Variants in NEK1 observed in about 807,000 individuals in gnomAD.
NEK1 encodes serine/threonine-protein kinase Nek1.
A neutral mutation model predicts 182.1 loss-of-function variants in NEK1; 137 were observed. The ratio of observed to expected loss-of-function variants is 0.75; its 90% CI spans 0.65 to 0.87. The LOEUF is 0.87. NEK1 is among the 40% of genes least tolerant of loss of function. The pLI is 0.00. For missense variants in NEK1, 1,391 were observed against 1,494.4 expected (o/e 0.93, Z 1.14); for synonymous variants, 513 against 492.2 (o/e 1.04, Z -0.56).
chr4:169,558,849 A>G (rs1345135191), intron 16 of NEK1, among the ~76,000 whole-genome samples: 1 of 152,198 alleles, frequency 6.6e-6, no homozygotes, highest in Non-Finnish European at 1.5e-5. Flanking sequence ...GAAGTACGTA[A>G]TAATAGTATT....
chr4:169,431,676 C>T (rs994686802), intron 29 of NEK1, among the ~76,000 whole-genome samples: 10 of 151,818 alleles, frequency 6.6e-5, no homozygotes, highest in African/African-American at 2.4e-4. Flanking sequence ...TGTCAGTAAT[C>T]CCAGCTCTTT....
At chr4:169,573,750 G>A (rs535376578) in intron 12 of NEK1, among the ~76,000 whole-genome samples, 46 of 152,310 alleles carry the variant, frequency 3.0e-4, no homozygotes, top group Non-Finnish European at 6.5e-4. Flanking sequence ...GGAACGGGAT[G>A]ATTATAAATG....
At chr4:169,461,836 C>A (rs188085041) in intron 27 of NEK1, among the ~76,000 whole-genome samples, 1 of 152,194 alleles carries the variant, frequency 6.6e-6, no homozygotes, top group Non-Finnish European at 1.5e-5. Flanking sequence ...CCTCTGAGAG[C>A]AAGAATGATC....
intron 23 of NEK1, among the ~76,000 whole-genome samples, chr4:169,481,963 T>C (rs6836768): frequency 0.053 from 8,131 of 152,308 alleles, 318 homozygotes; most frequent in African/African-American, 0.1. Context: ...AAATCTGTTG[T>C]TTAGTATTAC....
In NEK1 at chr4:169,590,896, T is replaced by C. The variant is rs1768369586; in HGVS notation, c.313-87A>G. On this transcript the variant is annotated intron_variant, in intron 5 of 35. Coordinates refer to ENST00000507142, the MANE Select transcript of NEK1 (RefSeq NM_001199397.3). ...TTAGGGATGAGAGGAACTAAATCCT[T>C]AAAAAGATATTTTAGGCTACAATTT... 3.5e-6 allele frequency: 3 copies of C among 848,528 alleles called. No individual in the cohort carries two copies. In the Admixed American group the frequency reaches 7.7e-5, roughly 22 times the overall value. 52.6% of individuals were successfully genotyped at this position (848,528 alleles called of 1,614,324 possible).
At chr4:169,550,760 GC>G (rs1419667639) in intron 18 of NEK1, among the ~76,000 whole-genome samples, 2 of 152,260 alleles carry the variant, frequency 1.3e-5, no homozygotes, top group Admixed American at 6.5e-5. Context: ...CATAACTAAT[GC>G]CCAAATGAAG....
At chr4:169,603,706 A>ATTT (rs398064265) in intron 2 of NEK1, among the ~76,000 whole-genome samples, 20,664 of 129,508 alleles carry the variant, frequency 0.16, 2,312 homozygotes, top group African/African-American at 0.32. Flanking sequence ...TTTATTGAAC[A>ATTT]TTTTTTTTTT....
chr4:169,436,608 G>A (rs946819164), intron 28 of NEK1, among the ~76,000 whole-genome samples: 1 of 152,206 alleles, frequency 6.6e-6, no homozygotes, highest in Admixed American at 6.5e-5. Context: ...AAAAAGTTTA[G>A]CTTATGAGCA....
At chr4:169,563,477 TTTA>T (rs2149956511) in intron 12 of NEK1, among the ~76,000 whole-genome samples, 1 of 152,338 alleles carries the variant, frequency 6.6e-6, no homozygotes, top group South Asian at 2.1e-4. Context: ...CTTTATTTAA[TTTA>T]TTAATAGTTT....
chr4:169,463,653 C>T (rs542760160), intron 26 of NEK1, among the ~76,000 whole-genome samples: 106 of 152,050 alleles, frequency 7.0e-4, no homozygotes, highest in Non-Finnish European at 1.3e-3. Context: ...AGGAAAAAAC[C>T]ATAAATTAAT....
At chr4:169,607,267 T>C (rs2150157800) in intron 2 of NEK1, among the ~76,000 whole-genome samples, 1 of 152,264 alleles carries the variant, frequency 6.6e-6, no homozygotes, top group East Asian at 1.9e-4. Context: ...ATGTCTAGTA[T>C]CCCATCAAAA....
At chr4:169,454,755 G>A (rs1262493014) in intron 27 of NEK1, among the ~76,000 whole-genome samples, 1 of 152,236 alleles carries the variant, frequency 6.6e-6, no homozygotes, top group East Asian at 1.9e-4. Flanking sequence ...TTCAACCATT[G>A]TGGAAGACAG....
chr4:169,540,271 C>G (rs1759190876), intron 18 of NEK1, among the ~76,000 whole-genome samples: 1 of 152,080 alleles, frequency 6.6e-6, no homozygotes, highest in Non-Finnish European at 1.5e-5. Context: ...AAACAGAGTT[C>G]CAGGGAGGCA....
At position 169,477,638 on chromosome 4, in the gene NEK1, GCTTCCTT is replaced by G; in HGVS notation, c.2140-148_2140-142del. ...TTTATTCCTATAAAATGTTAACAAA[GCTTCCTT>G]CATTATCAGCAATGACTAACCTTTA... On this transcript the variant is annotated intron_variant, in intron 24 of 35. Transcript: ENST00000507142. 4.9e-6 allele frequency: 3 copies of G among 611,752 alleles called. No homozygotes were observed. The East Asian group carries it at 8.7e-5, about 18-fold the overall frequency. The allele number at this position is 611,752 out of a possible 1,614,324, so 37.9% of individuals were successfully genotyped here. A position where few individuals can be genotyped will look rare whatever the true frequency, so the allele number is the denominator to read the frequency against.
chr4:169,451,510 A>T (rs1385139972), intron 27 of NEK1, among the ~76,000 whole-genome samples: 1 of 152,230 alleles, frequency 6.6e-6, no homozygotes, highest in Non-Finnish European at 1.5e-5. Context: ...CTACATAGAA[A>T]CTGAACAACT....
chr4:169,400,211 T>A lies in NEK1; in HGVS notation c.3847+14A>T. On this transcript the variant is annotated intron_variant, in intron 35 of 35. Coordinates refer to ENST00000507142, the MANE Select transcript of NEK1 (RefSeq NM_001199397.3). ...ATTTACTGAAAATTATACAGACATG[T>A]GAGGAAATCTTACCTTCTTGGTAGG... 6.4e-7 allele frequency: 1 copy of A among 1,571,572 alleles called. No homozygotes were observed.
chr4:169,587,881 A>G (rs1487660618), intron 8 of NEK1, among the ~76,000 whole-genome samples: 1 of 152,112 alleles, frequency 6.6e-6, no homozygotes, highest in African/African-American at 2.4e-5. Flanking sequence ...CGTAAATTCT[A>G]TTTTTATTTC....
intron 23 of NEK1, among the ~76,000 whole-genome samples, chr4:169,506,015 T>G (rs1753191321): frequency 6.6e-6 from 1 of 151,746 alleles, no homozygotes; most frequent in South Asian, 2.1e-4. Context: ...TAAAAACTAT[T>G]ATAACTATGT....
chr4:169,458,545 C>T (rs190873651), intron 27 of NEK1, among the ~76,000 whole-genome samples: 12 of 152,128 alleles, frequency 7.9e-5, no homozygotes, highest in African/African-American at 2.9e-4. Flanking sequence ...CTAAGCAACA[C>T]GGAGAAACAC....
Sources: gnomAD v4.1 joint callset for allele counts (sites outside exome capture counted in the v4.1 genomes callset) on GRCh38, gnomAD v4.1.1 for gene constraint, MANE v1.5 for transcripts, NCBI Gene and HGNC (gene_info 2026-07-23, HGNC 2026-07-21) for gene names.